The following PARD3B variants were observed in gnomAD, a reference collection of about 807,000 sequenced individuals.
The protein encoded by PARD3B is partitioning defective 3 homolog B.
A neutral mutation model predicts 130.2 loss-of-function variants in PARD3B; 103 were observed. The ratio of observed to expected loss-of-function variants is 0.79; its 90% CI spans 0.67 to 0.93. PARD3B has a LOEUF of 0.93. Ranked by LOEUF, PARD3B falls within the 40% of genes least tolerant of loss-of-function variation. The pLI is 0.00. For missense variants in PARD3B, 1,609 were observed against 1,499.2 expected (o/e 1.07, Z -1.21); for synonymous variants, 583 against 553.2 (o/e 1.05, Z -0.76).
intron 3 of PARD3B, among the ~76,000 whole-genome samples, chr2:204,987,270 G>A (rs1693244373): frequency 6.6e-6 from 1 of 152,142 alleles, no homozygotes; most frequent in Non-Finnish European, 1.5e-5. Flanking sequence ...ATGTGGCCCT[G>A]GGGTGACATG....
intron 2 of PARD3B, among the ~76,000 whole-genome samples, chr2:204,931,853 G>T (rs1299569720): frequency 6.6e-6 from 1 of 151,998 alleles, no homozygotes; most frequent in Non-Finnish European, 1.5e-5. Flanking sequence ...GAATGAATTT[G>T]CACCTCAAGC....
intron 21 of PARD3B, among the ~76,000 whole-genome samples, chr2:205,547,517 T>C (rs2052430232): frequency 6.6e-6 from 1 of 152,112 alleles, no homozygotes; most frequent in Admixed American, 6.6e-5. Flanking sequence ...TCAGGAATGA[T>C]TTTTCCAAGC....
rs542730789 is a variant in PARD3B, at chr2:204,790,634, C to T, written c.222+104352C>T. ...TAAGAGTCTGCCAATTTAGTAGACC[C>T]GTATGGATGAGGCATCCTCTGAAAT... On this transcript the variant is annotated intron_variant, in intron 2 of 22. Coordinates refer to ENST00000406610, the MANE Select transcript of PARD3B (RefSeq NM_001302769.2). 3.3e-5 allele frequency among the ~76,000 whole-genome samples: 5 copies of T among 152,154 alleles called. No homozygotes were observed. The South Asian group carries it at 6.2e-4, about 19-fold the overall frequency.
chr2:205,006,294 A>G (rs867343956), intron 3 of PARD3B, among the ~76,000 whole-genome samples: 2 of 152,110 alleles, frequency 1.3e-5, no homozygotes, highest in African/African-American at 2.4e-5. Flanking sequence ...TGCCTTTTTC[A>G]TGTAATGATT....
At chr2:205,573,932 A>C (rs1171588328) in intron 22 of PARD3B, among the ~76,000 whole-genome samples, 2 of 152,226 alleles carry the variant, frequency 1.3e-5, no homozygotes, top group Non-Finnish European at 2.9e-5. Flanking sequence ...AAACGTGCCA[A>C]CAAATTGACT....
At chr2:205,602,853 C>G (rs1191565961) in intron 22 of PARD3B, among the ~76,000 whole-genome samples, 1 of 152,058 alleles carries the variant, frequency 6.6e-6, no homozygotes, top group Non-Finnish European at 1.5e-5. Flanking sequence ...TTTCATGTCT[C>G]TATTTCCTTC....
intron 2 of PARD3B, among the ~76,000 whole-genome samples, chr2:204,869,963 G>A (rs1333367072): frequency 6.6e-6 from 1 of 152,182 alleles, no homozygotes; most frequent in African/African-American, 2.4e-5. Context: ...TCAGCCACTG[G>A]TCAGCATAGT....
At chr2:204,626,565 A>T (rs1253690144) in intron 1 of PARD3B, among the ~76,000 whole-genome samples, 1 of 151,972 alleles carries the variant, frequency 6.6e-6, no homozygotes, top group African/African-American at 2.4e-5. Context: ...TTACATATTT[A>T]AAAAAAGTCT....
At chr2:205,200,558 T>C (rs1049996349) in intron 15 of PARD3B, among the ~76,000 whole-genome samples, 3 of 152,198 alleles carry the variant, frequency 2.0e-5, no homozygotes, top group African/African-American at 7.2e-5. Context: ...TTGAAGAAGA[T>C]AGAATTTAAT....
chr2:205,176,517 C>A lies in PARD3B; in HGVS notation c.1864C>A (p.Arg622=). 2 of 1,612,442 alleles carry A rather than the reference C, an allele frequency of 1.2e-6. No homozygotes were observed. Among genetic ancestry groups the A allele is most frequent in the Non-Finnish European group, 8.5e-7 (1 of 1,178,898 alleles). The change falls in exon 13 of 23, where the codon CGA becomes AGA. Residue 622 remains arginine (R), a synonymous_variant. Coordinates refer to ENST00000406610, the MANE Select transcript of PARD3B (RefSeq NM_001302769.2). The surrounding 1 kb of genome is among the most constrained non-coding windows in gnomAD (Gnocchi z 5.3). The part of the protein sequence containing the change: ...NCQNAVTTSR[R]NDNSILHPLG... The stretch of plus-strand genomic sequence containing the variant: ...TCAAAATGCTGTAACCACCTCTAGG[C>A]GAAATGATAATAGTATCCTGCATCC...
rs537526822 is a variant in PARD3B, at chr2:204,782,857, A to C, written c.222+96575A>C. ...ATTTTTTATTTCCATACTGTTGGTT[A>C]TTAATGATAATTGGAGCCACACAAA... On this transcript the variant is annotated intron_variant, in intron 2 of 22. Transcript: ENST00000406610. Among the ~76,000 whole-genome samples, 6 of 152,184 alleles carry C rather than the reference A, an allele frequency of 3.9e-5. No individual in the cohort carries two copies. The East Asian group carries it at 1.2e-3, about 29-fold the overall frequency.
chr2:204,855,504 T>C (rs943772360), intron 2 of PARD3B, among the ~76,000 whole-genome samples: 10 of 150,744 alleles, frequency 6.6e-5, no homozygotes, highest in Non-Finnish European at 1.2e-4. Context: ...ATTTTGCCAC[T>C]GCACTCCAGC....
chr2:204,584,525 A>G (rs2032733122), intron 1 of PARD3B, among the ~76,000 whole-genome samples: 1 of 152,200 alleles, frequency 6.6e-6, no homozygotes, highest in Admixed American at 6.5e-5. Flanking sequence ...AGAATACACA[A>G]GCATACGTTC....
chr2:204,808,029 G>T (rs2125516459), intron 2 of PARD3B, among the ~76,000 whole-genome samples: 1 of 152,000 alleles, frequency 6.6e-6, no homozygotes, highest in South Asian at 2.1e-4. Flanking sequence ...TTACTCTAAT[G>T]TGATTATTAC....
intron 20 of PARD3B, among the ~76,000 whole-genome samples, chr2:205,462,390 T>A (rs939272692): frequency 2.0e-5 from 3 of 152,232 alleles, no homozygotes; most frequent in Non-Finnish European, 4.4e-5. Context: ...AATGTTTTTT[T>A]TGACACCTGC....
intron 18 of PARD3B, among the ~76,000 whole-genome samples, chr2:205,305,723 C>G (rs1297472344): frequency 2.6e-5 from 4 of 152,166 alleles, no homozygotes; most frequent in Admixed American, 2.6e-4. Context: ...TCTTTAACTT[C>G]TGTTGTCTCA....
chr2:205,172,096 C>G, intron 11 of PARD3B, 115 bp from the exon 12 acceptor site: 1 of 1,011,676 alleles, frequency 9.9e-7, no homozygotes, highest in South Asian at 1.8e-5. Flanking sequence ...CTTCTAACAG[C>G]TAGGTTTTCT....
chr2:205,532,434 G>A (rs567821973), intron 21 of PARD3B, among the ~76,000 whole-genome samples: 32 of 152,232 alleles, frequency 2.1e-4, no homozygotes, highest in Admixed American at 7.8e-4. Flanking sequence ...TTTTAAAATA[G>A]CTCAAGCCCC....
intron 18 of PARD3B, among the ~76,000 whole-genome samples, chr2:205,332,362 G>A (rs2043169218): frequency 6.6e-6 from 1 of 151,996 alleles, no homozygotes; most frequent in African/African-American, 2.4e-5. Context: ...TGTTAGAGAT[G>A]GACAGTTCCA....
Sources: allele counts gnomAD v4.1 joint callset (sites outside exome capture counted in the v4.1 genomes callset), GRCh38; gene constraint gnomAD v4.1.1; non-coding constraint Gnocchi (gnomAD v3.1); transcripts MANE v1.5; gene names NCBI Gene and HGNC (gene_info 2026-07-23, HGNC 2026-07-21).